The following WDR1 variants were observed in gnomAD, a reference collection of about 807,000 sequenced individuals.
The protein encoded by WDR1 is WD repeat-containing protein 1.
Under a neutral mutation model 71.9 loss-of-function variants are expected in WDR1, and 21 were observed. That is an observed-to-expected ratio of 0.29 (90% CI 0.21 to 0.42). The LOEUF (loss-of-function observed/expected upper bound fraction) is 0.42, where lower values mean the gene tolerates loss of function less well. Among genes scored for constraint, WDR1 ranks in the 10% least tolerant of loss-of-function variants. The pLI is 1.00. For synonymous variants in WDR1, 424 were observed against 347.4 expected (o/e 1.22, Z -2.45); for missense variants, 696 against 824.5 (o/e 0.84, Z 1.91).
intron 11 of WDR1, 24 bp downstream of exon 11, chr4:10,081,333 C>CCAAA: frequency 6.2e-7 from 1 of 1,611,422 alleles, no homozygotes; most frequent in Non-Finnish European, 8.5e-7. Flanking sequence ...AGGCTCCCAC[C>CCAAA]CAAACACTAA....
chr4:10,081,742 C>T (rs1045950871), intron 10 of WDR1, among the ~76,000 whole-genome samples: 2 of 151,834 alleles, frequency 1.3e-5, no homozygotes, highest in South Asian at 4.1e-4. Context: ...GCCCTCATTA[C>T]ACCCAGATGT....
intron 1 of WDR1, 21 bp from the exon 2 acceptor site, chr4:10,116,255 C>T (rs1208868598): frequency 1.2e-6 from 2 of 1,612,652 alleles, no homozygotes; most frequent in Admixed American, 3.3e-5. Flanking sequence ...ACAAATGCGG[C>T]GGGGCATGTC....
intron 14 of WDR1, 43 bp downstream of exon 14, chr4:10,077,260 CG>C (rs1447982521): frequency 3.7e-6 from 6 of 1,610,750 alleles, no homozygotes; most frequent in Non-Finnish European, 3.4e-6. Context: ...CATGGAGCCC[CG>C]AACCATGGGT....
chr4:10,106,817 G>C (rs1038872593), intron 2 of WDR1, among the ~76,000 whole-genome samples: 1 of 152,110 alleles, frequency 6.6e-6, no homozygotes, highest in Non-Finnish European at 1.5e-5. Flanking sequence ...AGTCAGAGCA[G>C]CCTCCTCCCC....
chr4:10,095,394 A>G (rs4235352), intron 5 of WDR1, among the ~76,000 whole-genome samples: 152,355 of 152,366 alleles, frequency 1, 76,172 homozygotes, highest in Middle Eastern at 1. Context: ...CTTTCCGACC[A>G]CATCAGAAGA....
chr4:10,106,898 C>T (rs1428849707), intron 2 of WDR1, among the ~76,000 whole-genome samples: 2 of 152,180 alleles, frequency 1.3e-5, no homozygotes, highest in Admixed American at 6.5e-5. Flanking sequence ...ACGTGTCACT[C>T]GGCCTGTGAG....
chr4:10,088,377 C>T lies in WDR1; in HGVS notation c.637-4G>A. ...TCTTCCCGTCATAGATGTATATCTT[C>T]CAAGAAATAAAAACATGTGGGTCAT... On this transcript the variant is annotated splice_region_variant and splice_polypyrimidine_tract_variant and intron_variant, in intron 6 of 14. Coordinates refer to ENST00000499869, the MANE Select transcript of WDR1 (RefSeq NM_017491.5). The T allele has an allele frequency of 1.3e-6, 2 of 1,554,682 alleles. No individual in the cohort carries two copies. Among genetic ancestry groups the T allele is most frequent in the Non-Finnish European group, 1.7e-6 (2 of 1,148,626 alleles).
intron 5 of WDR1, among the ~76,000 whole-genome samples, chr4:10,093,365 G>A (rs1453467484): frequency 1.3e-5 from 2 of 152,226 alleles, no homozygotes; most frequent in Non-Finnish European, 2.9e-5. Context: ...ACGACCCTTG[G>A]TCAATGGGTG....
chr4:10,098,822 C>CCTT (rs1445624704), intron 4 of WDR1, among the ~76,000 whole-genome samples, 170 bp downstream of exon 4: 10 of 152,198 alleles, frequency 6.6e-5, no homozygotes, highest in African/African-American at 2.4e-4. Context: ...TGGAGTTCTA[C>CCTT]CTTACCTGGG....
Position 10,077,852 on chromosome 4 carries a change from G to A in WDR1, c.1470C>T (p.Gly490=). ...KDEGKLLEAK[G]PVTDVAYSHD... is the part of the protein sequence containing the mutation. ...GGGAGTAGGCCACGTCGGTCACGGG[G>A]CCCTTGGCCTCTAGGAGCTTGCCCT... The change falls in exon 13 of 15, where the codon GGC becomes GGT. Residue 490 remains glycine, a synonymous_variant. Transcript: ENST00000499869. 1.2e-6 allele frequency: 2 copies of A among 1,610,806 alleles called. No individual in the cohort carries two copies. Among genetic ancestry groups the A allele is most frequent in the Non-Finnish European group, 8.5e-7 (1 of 1,178,592 alleles).
At chr4:10,090,496 C>T (rs114709536) in intron 5 of WDR1, among the ~76,000 whole-genome samples, 1 of 152,202 alleles carries the variant, frequency 6.6e-6, no homozygotes, top group East Asian at 1.9e-4. Flanking sequence ...CCCCAGAAAT[C>T]TCTCTAGGCC....
intron 1 of WDR1, 114 bp downstream of exon 1, chr4:10,116,537 G>A (rs1218549431): frequency 7.1e-6 from 6 of 850,214 alleles, no homozygotes; most frequent in African/African-American, 1.8e-5. Context: ...GCCGGCGCCC[G>A]CACCCCTCCC....
rs372849742 is a variant in WDR1 at position 10,099,072 on chromosome 4, C to G, written c.297G>C (p.Gln99His). 2.4e-5 allele frequency: 39 copies of G among 1,610,484 alleles called. No homozygotes were observed. Among genetic ancestry groups the G allele is most frequent in the Non-Finnish European group, 5.9e-6 (7 of 1,177,924 alleles). The change falls in exon 4 of 15, where the codon CAG becomes CAC. Residue 99 changes from glutamine (Q) to histidine (H), a missense_variant. Physicochemically the swap from Gln to His is conservative, Grantham distance 24. Coordinates refer to ENST00000499869, the MANE Select transcript of WDR1 (RefSeq NM_017491.5). Reference protein sequence around the residue: ...QKEHLLKYEYQPFAGKIKDIA... With the variant: ...QKEHLLKYEYHPFAGKIKDIA... ...TGTCTTTGATCTTCCCAGCGAAAGGCTGGTACTCATACTTCAACAGGTGCT... is the reference window on the plus strand; with the variant it reads ...TGTCTTTGATCTTCCCAGCGAAAGGGTGGTACTCATACTTCAACAGGTGCT...
At chr4:10,111,688 C>G (rs917751415) in intron 2 of WDR1, among the ~76,000 whole-genome samples, 3 of 152,118 alleles carry the variant, frequency 2.0e-5, no homozygotes, top group Admixed American at 6.6e-5. Context: ...CTCAAGCCCT[C>G]TGTCATGCCA....
intron 3 of WDR1, among the ~76,000 whole-genome samples, chr4:10,103,313 C>T (rs1004207056): frequency 6.6e-6 from 1 of 151,612 alleles, no homozygotes; most frequent in East Asian, 1.9e-4. Flanking sequence ...CACACACACA[C>T]ACACACACAC....
chr4:10,105,109 C>T (rs1712939533), intron 2 of WDR1, among the ~76,000 whole-genome samples: 1 of 152,220 alleles, frequency 6.6e-6, no homozygotes, highest in Non-Finnish European at 1.5e-5. Context: ...GACACCCACT[C>T]ACCCATCAGG....
chr4:10,075,801 AAT>A, intron 14 of WDR1: 1 of 459,510 alleles, frequency 2.2e-6, no homozygotes, highest in Non-Finnish European at 4.0e-6. Context: ...GTGAAATAAC[AAT>A]GTCTTCTTAT....
intron 2 of WDR1, among the ~76,000 whole-genome samples, chr4:10,106,963 C>A (rs921723707): frequency 3.8e-4 from 58 of 152,104 alleles, no homozygotes; most frequent in Non-Finnish European, 1.5e-5. Flanking sequence ...CAGTGTGCCC[C>A]TCTCCCCCCA....
chr4:10,077,067 C>A (rs537882268), intron 14 of WDR1: 148 of 528,200 alleles, frequency 2.8e-4, no homozygotes, highest in Non-Finnish European at 4.2e-4. Context: ...AAAAGTGAGG[C>A]CTTCACTCAG....
Sources: allele counts gnomAD v4.1 joint callset (sites outside exome capture counted in the v4.1 genomes callset), GRCh38; gene constraint gnomAD v4.1.1; transcripts MANE v1.5; gene names NCBI Gene and HGNC (gene_info 2026-07-23, HGNC 2026-07-21).